The following MUC22 variants were observed in gnomAD, a reference collection of about 807,000 sequenced individuals.
MUC22 encodes the protein mucin-22.
A neutral mutation model predicts 40.3 loss-of-function variants in MUC22; 24 were observed. That is an observed-to-expected ratio of 0.60 (90% CI 0.43 to 0.84). The LOEUF (loss-of-function observed/expected upper bound fraction) is 0.84, where lower values mean the gene tolerates loss of function less well. Among genes scored for constraint, MUC22 ranks in the 40% least tolerant of loss-of-function variants. The pLI is 0.00. For missense variants in MUC22, 1,926 were observed against 2,130.7 expected, an observed-to-expected ratio of 0.90 and a Z score of 1.89; for synonymous variants, 765 against 844.5, an observed-to-expected ratio of 0.91 and a Z score of 1.63.
chr6:31,027,742 A>G, exon 2 of MUC22: 1 of 1,529,644 alleles, frequency 6.5e-7, no homozygotes, highest in Non-Finnish European at 8.7e-7. Flanking sequence ...AGTCTCTGCC[A>G]CAGGCTCTGA....
chr6:31,025,239 C>T (rs912474200), intron 1 of MUC22, among the ~76,000 whole-genome samples: 5 of 152,210 alleles, frequency 3.3e-5, no homozygotes, highest in African/African-American at 2.4e-5. Flanking sequence ...AGCAGCACCA[C>T]TGCTTTCTTT....
chr6:31,029,943 G>A, exon 2 of MUC22: 8 of 1,517,716 alleles, frequency 5.3e-6, no homozygotes, highest in Non-Finnish European at 7.0e-6. Flanking sequence ...CAAGCTTGGA[G>A]CCCACTGCAA....
chr6:31,006,570 A>T (rs973785388), upstream of MUC22, among the ~76,000 whole-genome samples: 1 of 152,080 alleles, frequency 6.6e-6, no homozygotes, highest in Non-Finnish European at 1.5e-5. Flanking sequence ...CGAGGTGGGG[A>T]GGTTGTGCTT....
Position 31,032,750 on chromosome 6 carries a change from A to G in MUC22, c.5055+169A>G, listed in dbSNP as rs1037178444. The stretch of plus-strand genomic sequence containing the variant: ...GGACCAGAGAGAATGCTTAAGTCAG[A>G]GAAAGTGAGAAGCAAAGTAGAAAAA... On this transcript the variant is annotated intron_variant, in intron 3 of 3. Transcript: ENST00000561890. The surrounding 1 kb of genome is among the most constrained non-coding windows in gnomAD (Gnocchi z 4.1). 3.3e-5 allele frequency among the ~76,000 whole-genome samples: 5 copies of G among 152,210 alleles called. No homozygotes were observed. The highest frequency in any genetic ancestry group is 1.2e-4 in the African/African-American group (5 of 41,456).
Position 31,028,347 on chromosome 6 carries a change from T to C in MUC22, c.2916T>C (p.Ser972=), listed in dbSNP as rs1044094146. The C allele has an allele frequency of 3.9e-6, 6 of 1,533,002 alleles. No homozygotes were observed. In the African/African-American group the frequency reaches 8.3e-5, roughly 21 times the overall value. The allele number at this position is 1,533,002 out of a possible 1,614,324, so 95.0% of individuals were successfully genotyped here. The stretch of plus-strand genomic sequence containing the variant: ...CCACCACCACTTCTACTGAAGGCTC[T>C]GAGATTACTACAGCCTCCATCACAG... Residue 972 remains serine, a synonymous_variant, in exon 2 of 4, where the codon TCT becomes TCC. Coordinates refer to ENST00000561890, the Ensembl canonical transcript of MUC22.
At chr6:31,027,367 A>T in exon 2 of MUC22, 1 of 1,532,996 alleles carries the variant, frequency 6.5e-7, no homozygotes, top group African/African-American at 1.4e-5. Flanking sequence ...CTCTGAGGCC[A>T]CTACAGTCTC....
At chr6:31,025,397 A>G (rs1765192804) in intron 1 of MUC22, 105 bp from the exon 2 acceptor site, 2 of 1,292,908 alleles carry the variant, frequency 1.5e-6, no homozygotes, top group Non-Finnish European at 2.0e-6. Context: ...TAACTGAATA[A>G]ATAAATGAAT....
At chr6:31,022,513 A>G (rs1262638137) in intron 1 of MUC22, among the ~76,000 whole-genome samples, 2 of 148,484 alleles carry the variant, frequency 1.3e-5, no homozygotes, top group Admixed American at 6.7e-5. Context: ...GATCTATGCA[A>G]AAAAGAATGA....
exon 2 of MUC22, chr6:31,026,181 A>T (rs2523897): frequency 3.9e-6 from 6 of 1,534,896 alleles, no homozygotes; most frequent in Non-Finnish European, 4.4e-6. Flanking sequence ...TGATCACGGC[A>T]TCCAGCATGA....
intron 1 of MUC22, among the ~76,000 whole-genome samples, chr6:31,019,203 A>T (rs148157741): frequency 3.2e-4 from 49 of 152,354 alleles, no homozygotes; most frequent in African/African-American, 7.9e-4. Flanking sequence ...CGTAAGCCCC[A>T]AAGCTAGAAG....
At chr6:31,014,649 GC>G (rs1342962249) in intron 1 of MUC22, among the ~76,000 whole-genome samples, 1 of 152,140 alleles carries the variant, frequency 6.6e-6, no homozygotes, top group Non-Finnish European at 1.5e-5. Context: ...CCCGAAAGTG[GC>G]TTTGAAAAAC....
At chr6:31,016,508 A>G (rs1365426273) in intron 1 of MUC22, among the ~76,000 whole-genome samples, 1 of 152,256 alleles carries the variant, frequency 6.6e-6, no homozygotes, top group Non-Finnish European at 1.5e-5. Flanking sequence ...TGTCTAGAGC[A>G]TACTAGCATA....
chr6:31,010,706 G>A (rs1435859502), exon 1 of MUC22: 1 of 702,474 alleles, frequency 1.4e-6, no homozygotes, highest in Non-Finnish European at 2.6e-6. Flanking sequence ...ATCATTTAGA[G>A]ATGAGAAGAG....
At chr6:31,019,278 A>G (rs1764495430) in intron 1 of MUC22, among the ~76,000 whole-genome samples, 1 of 152,194 alleles carries the variant, frequency 6.6e-6, no homozygotes, top group Non-Finnish European at 1.5e-5. Flanking sequence ...TATTGGTTCT[A>G]CTTTTCTAAT....
chr6:31,021,206 G>A (rs949795158), intron 1 of MUC22, among the ~76,000 whole-genome samples: 1 of 152,276 alleles, frequency 6.6e-6, no homozygotes, highest in African/African-American at 2.4e-5. Flanking sequence ...AGGACGTGGA[G>A]AGTCTTTATG....
chr6:31,016,109 C>A (rs914711875), intron 1 of MUC22, among the ~76,000 whole-genome samples: 69 of 149,626 alleles, frequency 4.6e-4, no homozygotes, highest in African/African-American at 1.6e-3. Flanking sequence ...TCTCTACAAC[C>A]ATTTTTAAGA....
chr6:31,014,912 G>A (rs959154796), intron 1 of MUC22, among the ~76,000 whole-genome samples: 8 of 152,160 alleles, frequency 5.3e-5, no homozygotes, highest in African/African-American at 1.9e-4. Flanking sequence ...CAGGAGGCAT[G>A]GCACTGCCAT....
At chr6:31,033,700 G>T (rs901045643) in intron 3 of MUC22, among the ~76,000 whole-genome samples, 1 of 152,150 alleles carries the variant, frequency 6.6e-6, no homozygotes, top group Non-Finnish European at 1.5e-5. Context: ...ATGTGACACT[G>T]GTAGCTTAAA....
intron 1 of MUC22, among the ~76,000 whole-genome samples, chr6:31,021,960 C>G (rs1177425049): frequency 6.6e-6 from 1 of 152,104 alleles, no homozygotes; most frequent in South Asian, 2.1e-4. Context: ...CCGTAAAGGT[C>G]TGCAGCTTCA....
Sources: gnomAD v4.1 joint callset for allele counts (sites outside exome capture counted in the v4.1 genomes callset) on GRCh38, gnomAD v4.1.1 for gene constraint, Gnocchi (gnomAD v3.1) non-coding constraint, MANE v1.5 for transcripts, NCBI Gene and HGNC (gene_info 2026-07-23, HGNC 2026-07-21) for gene names.